CA7: variants seen among roughly 807,000 people sequenced by gnomAD.
CA7 encodes the protein carbonic anhydrase 7.
In CA7, 13 loss-of-function variants were observed where a neutral mutation model predicts 31.4. That is an observed-to-expected ratio of 0.41 (90% CI 0.27 to 0.66). The LOEUF is 0.66. CA7 is among the 30% of genes least tolerant of loss of function. CA7 has a pLI of 0.28. For missense variants in CA7, 215 were observed against 351.0 expected (o/e 0.61, Z 3.10); for synonymous variants, 128 against 133.2 (o/e 0.96, Z 0.27).
intron 2 of CA7, among the ~76,000 whole-genome samples, chr16:66,850,176 G>A (rs1054548232): frequency 2.7e-5 from 4 of 150,144 alleles, no homozygotes; most frequent in African/African-American, 9.8e-5. Flanking sequence ...ACAGTGGCTC[G>A]TGCCTGTAAT....
At chr16:66,850,730 TGAG>T in intron 3 of CA7, 71 bp downstream of exon 3, 1 of 1,135,486 alleles carries the variant, frequency 8.8e-7, no homozygotes, top group Non-Finnish European at 1.3e-6. Flanking sequence ...GTCAGGGGCT[TGAG>T]GATGCCTGGG....
intron 2 of CA7, among the ~76,000 whole-genome samples, chr16:66,849,144 C>T (rs762133762): frequency 5.9e-5 from 9 of 152,214 alleles, no homozygotes; most frequent in East Asian, 1.9e-4. Context: ...GCTCCCTCCA[C>T]CTCCAGATCC....
chr16:66,848,669 A>G (rs1011967218), intron 2 of CA7, among the ~76,000 whole-genome samples: 15 of 152,228 alleles, frequency 9.9e-5, no homozygotes, highest in Non-Finnish European at 1.8e-4. Flanking sequence ...TGATGCCAGC[A>G]GAGTGCCAAA....
At chr16:66,845,498 G>A (rs569052758) in intron 1 of CA7, among the ~76,000 whole-genome samples, 2 of 152,302 alleles carry the variant, frequency 1.3e-5, no homozygotes, top group African/African-American at 4.8e-5. Flanking sequence ...TAGACCAGAG[G>A]GAGGGTGCTG....
chr16:66,849,382 C>T (rs531844165), intron 2 of CA7, among the ~76,000 whole-genome samples: 45 of 152,152 alleles, frequency 3.0e-4, no homozygotes, highest in Non-Finnish European at 5.1e-4. Context: ...TTTCAAGGTT[C>T]TAGGGAGGCA....
At chr16:66,849,027 C>T (rs1960984389) in intron 2 of CA7, among the ~76,000 whole-genome samples, 1 of 152,108 alleles carries the variant, frequency 6.6e-6, no homozygotes, top group Admixed American at 6.6e-5. Context: ...CTTAAGGAGG[C>T]CACAGGGCCA....
intron 1 of CA7, chr16:66,844,789 C>T (rs1014764152): frequency 2.7e-6 from 2 of 732,098 alleles, no homozygotes; most frequent in South Asian, 3.3e-5. Context: ...CTCCGCGAAG[C>T]CCCTGATTGC....
rs781527720 is a variant in CA7, at chr16:66,853,472, G to C, written c.769G>C (p.Val257Leu). ...FRPPQPLKGR[V>L]VKASFRA The stretch of plus-strand genomic sequence containing the variant: ...GCCACCACAGCCACTGAAGGGCCGC[G>C]TGGTAAAGGCCTCCTTCCGGGCCTG... The change falls in exon 7 of 7, where the codon GTG becomes CTG. Residue 257 changes from valine to leucine, a missense_variant. By Grantham distance (32) the Val-to-Leu change is conservative. Transcript: ENST00000338437. This position sits in a 1 kb window ranked among gnomAD's most constrained non-coding sequence, Gnocchi z 4.5. 1.2e-6 allele frequency: 2 copies of C among 1,614,170 alleles called. No individual in the cohort carries two copies. Among genetic ancestry groups the C allele is most frequent in the South Asian group, 2.2e-5 (2 of 91,088 alleles).
intron 3 of CA7, among the ~76,000 whole-genome samples, 158 bp from the exon 4 acceptor site, chr16:66,851,305 G>A (rs1961042449): frequency 6.6e-6 from 1 of 152,152 alleles, no homozygotes; most frequent in African/African-American, 2.4e-5. Flanking sequence ...TGACCCTCTG[G>A]GGCTCCCCTG....
chr16:66,844,967 C>T (rs1187292860), intron 1 of CA7: 6 of 997,772 alleles, frequency 6.0e-6, no homozygotes. Context: ...GAGCGGGGCT[C>T]CGCGTGGCAA....
Position 66,850,606 on chromosome 16 carries a change from A to C in CA7, c.304A>C (p.Lys102Gln). ...GCAGTTTCACTTCCACTGGGGCAAG[A>C]AGCACGATGTGGGTTCTGAGCACAC... ...LKQFHFHWGK[K>Q]HDVGSEHTVD... The change falls in exon 3 of 7, where the codon AAG (lysine) becomes CAG (glutamine). Residue 102 changes from lysine to glutamine, a missense_variant. Coordinates refer to ENST00000338437, the MANE Select transcript of CA7 (RefSeq NM_005182.3). 2 of 1,614,132 alleles carry C rather than the reference A, an allele frequency of 1.2e-6. No homozygotes were observed. The highest frequency in any genetic ancestry group is 1.7e-6 in the Non-Finnish European group (2 of 1,180,006).
At chr16:66,849,253 G>A (rs1395921867) in intron 2 of CA7, among the ~76,000 whole-genome samples, 2 of 152,144 alleles carry the variant, frequency 1.3e-5, no homozygotes, top group East Asian at 3.9e-4. Flanking sequence ...CACAAGTGGG[G>A]CCCTCAGAAG....
chr16:66,845,112 A>G (rs1960899582), intron 1 of CA7: 1 of 985,610 alleles, frequency 1.0e-6, no homozygotes, highest in East Asian at 1.1e-4. Flanking sequence ...GTGTTTGCGC[A>G]CGTCCGGGTG....
intron 1 of CA7, chr16:66,845,138 C>A (rs12102712): frequency 4.1e-5 from 40 of 985,490 alleles, no homozygotes; most frequent in Admixed American, 6.1e-5. Flanking sequence ...CGTGGGAGCC[C>A]GTGGCCCACA....
intron 2 of CA7, among the ~76,000 whole-genome samples, chr16:66,848,761 T>G (rs1243832657): frequency 6.6e-6 from 1 of 151,982 alleles, no homozygotes. Flanking sequence ...GGTCAAGGGG[T>G]GTTACGGAGG....
chr16:66,850,383 A>G (rs1567506391), intron 2 of CA7, among the ~76,000 whole-genome samples, 158 bp from the exon 3 acceptor site: 1 of 152,098 alleles, frequency 6.6e-6, no homozygotes, highest in South Asian at 2.1e-4. Context: ...TGAGGCTATC[A>G]TAAGCCATGT....
At chr16:66,845,873 C>A (rs922586340) in intron 1 of CA7, among the ~76,000 whole-genome samples, 1 of 152,128 alleles carries the variant, frequency 6.6e-6, no homozygotes, top group Admixed American at 6.5e-5. Flanking sequence ...ATTGTCCAGT[C>A]GAGGAAGGGA....
At chr16:66,846,679 T>C (rs139010347) in intron 1 of CA7, among the ~76,000 whole-genome samples, 2 of 152,286 alleles carry the variant, frequency 1.3e-5, no homozygotes, top group East Asian at 1.9e-4. Context: ...GGTGAGATAC[T>C]GATGGGGTCA....
chr16:66,850,760 G>T, intron 3 of CA7, 101 bp downstream of exon 3: 2 of 872,390 alleles, frequency 2.3e-6, no homozygotes, highest in Non-Finnish European at 3.9e-6. Context: ...CCTTGGAGAG[G>T]GGGAAGAGGA....
Sources: allele counts gnomAD v4.1 joint callset (sites outside exome capture counted in the v4.1 genomes callset), GRCh38; gene constraint gnomAD v4.1.1; non-coding constraint Gnocchi (gnomAD v3.1); transcripts MANE v1.5; gene names NCBI Gene and HGNC (gene_info 2026-07-23, HGNC 2026-07-21).